Variants in GRID2 observed in about 807,000 individuals in gnomAD.
GRID2 encodes the protein glutamate ionotropic receptor delta type subunit 2.
A neutral mutation model predicts 114.8 loss-of-function variants in GRID2; 33 were observed. The observed-to-expected ratio is 0.29, with a 90% CI of 0.22 to 0.38. The LOEUF is 0.38. GRID2 is among the 10% of genes least tolerant of loss of function. The pLI, the probability that GRID2 is intolerant of heterozygous loss-of-function variation, is 1.00. For missense variants in GRID2, 1,184 were observed against 1,257.7 expected (o/e 0.94, Z 0.89); for synonymous variants, 505 against 449.9 (o/e 1.12, Z -1.55).
intron 2 of GRID2, among the ~76,000 whole-genome samples, chr4:92,785,480 A>C (rs1209011776): frequency 6.6e-6 from 1 of 151,644 alleles, no homozygotes; most frequent in Non-Finnish European, 1.5e-5. Flanking sequence ...AAAAAATATA[A>C]GAAATTAACT....
At chr4:93,646,697 C>CCAGGAGAGAGAG (rs1256478727) in intron 14 of GRID2, among the ~76,000 whole-genome samples, 1 of 151,974 alleles carries the variant, frequency 6.6e-6, no homozygotes, top group African/African-American at 2.4e-5. Flanking sequence ...GTGCAGTAAT[C>CCAGGAGAGAGAG]CAGGAGAGAG....
At chr4:92,850,831 T>C (rs1743725431) in intron 2 of GRID2, among the ~76,000 whole-genome samples, 1 of 151,926 alleles carries the variant, frequency 6.6e-6, no homozygotes, top group African/African-American at 2.4e-5. Flanking sequence ...TGTTCAAAAA[T>C]ACCATTTGAG....
chr4:92,331,196 G>A (rs1014750461), intron 1 of GRID2, among the ~76,000 whole-genome samples: 22 of 152,090 alleles, frequency 1.4e-4, no homozygotes, highest in Non-Finnish European at 2.9e-5. Context: ...GTTTTAAATG[G>A]TTAAAATATA....
At chr4:92,866,261 T>TA (rs1363941833) in intron 2 of GRID2, among the ~76,000 whole-genome samples, 5 of 152,316 alleles carry the variant, frequency 3.3e-5, no homozygotes, top group African/African-American at 1.2e-4. Flanking sequence ...GCCTCTCTGA[T>TA]ACACTCTTAC....
At chr4:93,807,937 T>A (rs1016400819) in exon 2 of GRID2, 1 of 151,954 alleles carries the variant, frequency 6.6e-6, no homozygotes, top group Non-Finnish European at 1.5e-5. Context: ...AGGCTAACAA[T>A]GGCCATAAGT....
intron 13 of GRID2, among the ~76,000 whole-genome samples, chr4:93,525,290 G>T (rs573227317): frequency 8.3e-4 from 127 of 152,184 alleles, no homozygotes; most frequent in African/African-American, 2.9e-3. Context: ...ACAAAAAAAT[G>T]GGATAGGGAG....
intron 2 of GRID2, among the ~76,000 whole-genome samples, chr4:92,806,165 C>CCACA (rs1560603012): frequency 1.2e-4 from 13 of 106,214 alleles, no homozygotes; most frequent in African/African-American, 5.6e-4. Context: ...AATAGGCTAT[C>CCACA]GACACACACA....
chr4:92,613,590 T>C (rs1729858405), intron 2 of GRID2, among the ~76,000 whole-genome samples: 1 of 151,502 alleles, frequency 6.6e-6, no homozygotes, highest in Non-Finnish European at 1.5e-5. Context: ...CTTGCTTTGA[T>C]CTATTCAGAT....
intron 2 of GRID2, among the ~76,000 whole-genome samples, chr4:93,080,499 A>G (rs1473516116): frequency 6.6e-6 from 1 of 152,218 alleles, no homozygotes; most frequent in Admixed American, 6.5e-5. Context: ...CTATTCAGGT[A>G]ACATTTCATA....
At chr4:92,359,983 A>C (rs1446209735) in intron 1 of GRID2, among the ~76,000 whole-genome samples, 1 of 151,958 alleles carries the variant, frequency 6.6e-6, no homozygotes, top group African/African-American at 2.4e-5. Flanking sequence ...ATCTATCTGA[A>C]TTGTATTTCT....
At chr4:93,542,547 G>A (rs1732757251) in intron 13 of GRID2, among the ~76,000 whole-genome samples, 1 of 152,130 alleles carries the variant, frequency 6.6e-6, no homozygotes, top group Non-Finnish European at 1.5e-5. Context: ...GAAGTAAAAA[G>A]AGCAGAAAAG....
chr4:92,575,775 C>T (rs899258345), intron 1 of GRID2, among the ~76,000 whole-genome samples: 17 of 152,144 alleles, frequency 1.1e-4, no homozygotes, highest in African/African-American at 3.9e-4. Flanking sequence ...TCTCGAAGGC[C>T]CACAGTCTGG....
chr4:92,696,708 T>TC (rs1734440351), intron 2 of GRID2, among the ~76,000 whole-genome samples: 1 of 152,094 alleles, frequency 6.6e-6, no homozygotes, highest in Admixed American at 6.6e-5. Flanking sequence ...AGAAAGGCTG[T>TC]AGAGAGGGGT....
intron 12 of GRID2, among the ~76,000 whole-genome samples, chr4:93,497,026 A>G (rs563954452): frequency 3.3e-4 from 49 of 150,576 alleles, no homozygotes; most frequent in Admixed American, 4.6e-4. Context: ...GGGTGTCTGC[A>G]TCTGTGTCAG....
At chr4:92,801,336 T>G (rs1560600367) in intron 2 of GRID2, among the ~76,000 whole-genome samples, 1 of 152,118 alleles carries the variant, frequency 6.6e-6, no homozygotes, top group East Asian at 1.9e-4. Context: ...TATGGCATAT[T>G]AATCATATGG....
At chr4:93,568,167 A>C (rs925245354) in intron 13 of GRID2, among the ~76,000 whole-genome samples, 1 of 152,202 alleles carries the variant, frequency 6.6e-6, no homozygotes, top group Non-Finnish European at 1.5e-5. Context: ...CCTTGCAAGC[A>C]TGGTCATTGT....
intron 4 of GRID2, among the ~76,000 whole-genome samples, chr4:93,150,380 G>A (rs1288678821): frequency 6.6e-6 from 1 of 152,078 alleles, no homozygotes; most frequent in Non-Finnish European, 1.5e-5. Flanking sequence ...ACAAAACACA[G>A]GCAATAATTA....
At chr4:93,485,407 C>A (rs1726287232) in intron 11 of GRID2, among the ~76,000 whole-genome samples, 1 of 151,472 alleles carries the variant, frequency 6.6e-6, no homozygotes, top group South Asian at 2.1e-4. Flanking sequence ...TCAATCTTTT[C>A]TTTTGTGTTA....
chr4:92,940,748 A>T (rs1275983333), intron 2 of GRID2, among the ~76,000 whole-genome samples: 2 of 152,018 alleles, frequency 1.3e-5, no homozygotes, highest in Non-Finnish European at 2.9e-5. Flanking sequence ...TCCCATCAAT[A>T]CCTAATTTAT....
Sources: gnomAD v4.1 joint callset for allele counts (sites outside exome capture counted in the v4.1 genomes callset) on GRCh38, gnomAD v4.1.1 for gene constraint, MANE v1.5 for transcripts, NCBI Gene and HGNC (gene_info 2026-07-23, HGNC 2026-07-21) for gene names.